DNM3: variants seen among roughly 807,000 people sequenced by gnomAD.
DNM3 encodes dynamin 3.
A neutral mutation model predicts 101.6 loss-of-function variants in DNM3; 47 were observed. That is an observed-to-expected ratio of 0.46 (90% confidence interval 0.37 to 0.59). DNM3 has a LOEUF of 0.59. Among genes scored for constraint, DNM3 ranks in the 20% least tolerant of loss-of-function variants. The probability of loss-of-function intolerance (pLI) is 0.00; values close to 1 mark genes in which losing one functional copy is unlikely to be tolerated. For missense variants in DNM3, 849 were observed against 1,085.7 expected (o/e 0.78, Z 3.06); for synonymous variants, 385 against 387.9 (o/e 0.99, Z 0.09).
intron 1 of DNM3, among the ~76,000 whole-genome samples, chr1:171,866,414 C>T (rs555439046): frequency 1.3e-5 from 2 of 152,144 alleles, no homozygotes; most frequent in African/African-American, 4.8e-5. Context: ...TGTGTCATCA[C>T]TCATACCATT....
chr1:171,845,239 A>G (rs1001820740), intron 1 of DNM3, among the ~76,000 whole-genome samples: 1 of 152,170 alleles, frequency 6.6e-6, no homozygotes, highest in Non-Finnish European at 1.5e-5. Flanking sequence ...TGCTCCCTAT[A>G]TAAATGTTAC....
At chr1:171,847,690 A>G (rs950906005) in intron 1 of DNM3, among the ~76,000 whole-genome samples, 1 of 152,182 alleles carries the variant, frequency 6.6e-6, no homozygotes, top group Non-Finnish European at 1.5e-5. Flanking sequence ...AGAATAAGTC[A>G]TTTAGTTAAA....
At chr1:172,037,340 C>T (rs915307289) in intron 6 of DNM3, among the ~76,000 whole-genome samples, 16 of 151,928 alleles carry the variant, frequency 1.1e-4, no homozygotes, top group Non-Finnish European at 2.2e-4. Flanking sequence ...CATATGCACA[C>T]GTATGTTTAT....
chr1:172,100,872 G>T (rs746379983), intron 13 of DNM3, among the ~76,000 whole-genome samples: 2 of 152,100 alleles, frequency 1.3e-5, no homozygotes, highest in Non-Finnish European at 2.9e-5. Context: ...CAGTCTCCAG[G>T]GAATTGTCTT....
intron 15 of DNM3, among the ~76,000 whole-genome samples, chr1:172,264,994 G>A (rs938066208): frequency 6.6e-6 from 1 of 152,098 alleles, no homozygotes; most frequent in Non-Finnish European, 1.5e-5. Context: ...TATTGTGTAG[G>A]GATTTCAGTT....
At chr1:172,087,885 T>G (rs1197600848) in intron 12 of DNM3, among the ~76,000 whole-genome samples, 1 of 152,216 alleles carries the variant, frequency 6.6e-6, no homozygotes, top group Non-Finnish European at 1.5e-5. Flanking sequence ...CCTATTCTAT[T>G]GTTACTATTC....
intron 10 of DNM3, among the ~76,000 whole-genome samples, chr1:172,064,934 T>A (rs932835940): frequency 6.6e-6 from 1 of 152,218 alleles, no homozygotes; most frequent in African/African-American, 2.4e-5. Context: ...CTTCCAGTTG[T>A]CTCAATTGTA....
intron 2 of DNM3, among the ~76,000 whole-genome samples, chr1:171,926,343 T>G (rs2040571755): frequency 6.6e-6 from 1 of 152,236 alleles, no homozygotes; most frequent in Non-Finnish European, 1.5e-5. Flanking sequence ...TTCCAATCCA[T>G]GAGCATGGGA....
intron 10 of DNM3, among the ~76,000 whole-genome samples, chr1:172,064,477 G>T (rs528723768): frequency 6.6e-6 from 1 of 152,010 alleles, no homozygotes; most frequent in Non-Finnish European, 1.5e-5. Flanking sequence ...TAAGTAAAGG[G>T]TGACACAAAC....
intron 14 of DNM3, among the ~76,000 whole-genome samples, chr1:172,181,531 C>T (rs116467914): frequency 2.6e-5 from 4 of 151,936 alleles, no homozygotes; most frequent in Admixed American, 6.6e-5. Flanking sequence ...TAAACAGAAA[C>T]GAACTATGTG....
At chr1:171,946,222 C>A (rs1024234654) in intron 2 of DNM3, among the ~76,000 whole-genome samples, 1 of 151,970 alleles carries the variant, frequency 6.6e-6, no homozygotes, top group African/African-American at 2.4e-5. Context: ...TTACCTGGGG[C>A]CTGCAAATGA....
intron 14 of DNM3, among the ~76,000 whole-genome samples, chr1:172,141,956 G>A (rs559760028): frequency 8.9e-4 from 135 of 152,162 alleles, no homozygotes; most frequent in African/African-American, 2.6e-3. Flanking sequence ...CTAAGGCTCT[G>A]AACTTCCTTT....
chr1:171,897,599 T>C lies in DNM3; in HGVS notation c.162-24149T>C, dbSNP rs1357880124. Among the ~76,000 whole-genome samples, 6 of 152,278 alleles carry C rather than the reference T, an allele frequency of 3.9e-5. No homozygotes were observed. In the East Asian group the frequency reaches 1.2e-3, roughly 29 times the overall value. The stretch of plus-strand genomic sequence containing the variant: ...TTGTTTCTTTTGTTGAAAACCTAGA[T>C]TAGTACATGCTATGCCATAGTGAAT... On this transcript the variant is annotated intron_variant, in intron 1 of 20. Transcript: ENST00000627582.
chr1:172,354,085 T>TGG (rs2067314016), intron 17 of DNM3, among the ~76,000 whole-genome samples: 28 of 64,502 alleles, frequency 4.3e-4, no homozygotes, highest in African/African-American at 1.7e-3. Context: ...ATAAAGGTGT[T>TGG]GGGGTGTGTG....
intron 13 of DNM3, among the ~76,000 whole-genome samples, chr1:172,127,077 A>G (rs2056668213): frequency 6.6e-6 from 1 of 152,120 alleles, no homozygotes; most frequent in East Asian, 1.9e-4. Context: ...ACTCTCACTC[A>G]ACTACTGGTT....
At chr1:171,902,074 G>T (rs1310540815) in intron 1 of DNM3, among the ~76,000 whole-genome samples, 1 of 152,118 alleles carries the variant, frequency 6.6e-6, no homozygotes, top group African/African-American at 2.4e-5. Flanking sequence ...TCATAAAAAG[G>T]TTAATAAATA....
rs1346795106 is a variant in DNM3, at chr1:171,887,862, TC to T, written c.162-33884del. ...AAGGCATCATCTAATATGTTTTTTT[TC>T]CACTGTCTTTTTTTTTCTCAATAGG... On this transcript the variant is annotated intron_variant, in intron 1 of 20. Transcript: ENST00000627582. Among the ~76,000 whole-genome samples, 3 of 152,222 alleles carry T rather than the reference TC, an allele frequency of 2.0e-5. No homozygotes were observed. The East Asian group carries it at 5.8e-4, about 29-fold the overall frequency.
chr1:172,035,225 G>A (rs2048874208), intron 6 of DNM3, among the ~76,000 whole-genome samples: 1 of 152,134 alleles, frequency 6.6e-6, no homozygotes, highest in Non-Finnish European at 1.5e-5. Flanking sequence ...GAACCCTGAA[G>A]GGAAGATCAA....
chr1:172,281,745 T>C (rs1197231196), intron 15 of DNM3, among the ~76,000 whole-genome samples: 1 of 152,158 alleles, frequency 6.6e-6, no homozygotes, highest in Non-Finnish European at 1.5e-5. Context: ...TGTTAGCTTC[T>C]TTGTTTGGCA....
Sources: gnomAD v4.1 joint callset for allele counts (sites outside exome capture counted in the v4.1 genomes callset) on GRCh38, gnomAD v4.1.1 for gene constraint, MANE v1.5 for transcripts, NCBI Gene and HGNC (gene_info 2026-07-23, HGNC 2026-07-21) for gene names.